Variants in RFX1 observed in about 807,000 individuals in gnomAD.
RFX1 encodes the protein regulatory factor X1.
Under a neutral mutation model 119.6 loss-of-function variants are expected in RFX1, and 42 were observed. The ratio of observed to expected loss-of-function variants is 0.35; its 90% CI spans 0.27 to 0.45. RFX1 has a LOEUF of 0.45. RFX1 is among the 20% of genes least tolerant of loss of function. The probability of loss-of-function intolerance (pLI) is 1.00; values close to 1 mark genes in which losing one functional copy is unlikely to be tolerated. For synonymous variants in RFX1, 628 were observed against 618.5 expected, an observed-to-expected ratio of 1.02 and a Z score of -0.23; for missense variants, 1,118 against 1,368.1, an observed-to-expected ratio of 0.82 and a Z score of 2.88.
intron 9 of RFX1, among the ~76,000 whole-genome samples, chr19:13,971,495 CA>C: frequency 6.6e-6 from 1 of 152,230 alleles, no homozygotes; most frequent in South Asian, 2.1e-4. Flanking sequence ...GGACTTCACA[CA>C]ACCACTTCTA....
Position 13,993,721 on chromosome 19 carries a change from CGGGGGCTGG to C in RFX1, c.114_122del (p.Gln42_Pro44del). On this transcript the variant is annotated inframe_deletion, in exon 2 of 21. Transcript: ENST00000254325. ...GGGTGGCAGCAGCGGTGGGTGGCTGCGGGGGCTGGGGTGCCGCTGGGGGTGGTGGCGGTG... is the reference window on the plus strand; with the variant it reads ...GGGTGGCAGCAGCGGTGGGTGGCTGCGGTGCCGCTGGGGGTGGTGGCGGTG... 1 of 554,018 alleles carries C rather than the reference CGGGGGCTGG, an allele frequency of 1.8e-6. No homozygotes were observed. Among genetic ancestry groups the C allele is most frequent in the Non-Finnish European group, 2.4e-6 (1 of 411,244 alleles). 34.3% of individuals were successfully genotyped at this position (554,018 alleles called of 1,614,324 possible). A position where few individuals can be genotyped will look rare whatever the true frequency, so the allele number is the denominator to read the frequency against.
intron 2 of RFX1, among the ~76,000 whole-genome samples, chr19:13,988,579 A>G (rs1426732443): frequency 6.6e-6 from 1 of 152,208 alleles, no homozygotes; most frequent in Non-Finnish European, 1.5e-5. Flanking sequence ...CTGATGGGAC[A>G]TGATGGCTGT....
At position 13,968,525 on chromosome 19, in the gene RFX1, G is replaced by C; in HGVS notation, c.1732+40C>G. 6.6e-7 allele frequency: 1 copy of C among 1,504,484 alleles called. No homozygotes were observed. The highest frequency in any genetic ancestry group is 1.4e-5 in the African/African-American group (1 of 72,884). The allele number at this position is 1,504,484 out of a possible 1,614,324, so 93.2% of individuals were successfully genotyped here. On this transcript the variant is annotated intron_variant, in intron 12 of 20. Transcript: ENST00000254325. This position sits in a 1 kb window ranked among gnomAD's most constrained non-coding sequence, Gnocchi z 5.5. ...TTGGGAACCGTCTGCACGGGGCAGG[G>C]AGGCGGTGGTTGGGGAAGCACGGGC... is the stretch of plus-strand genomic sequence containing the variant.
Position 13,980,733 on chromosome 19 carries a change from C to CATCCTCTCTGGGGTGGGCTCGT in RFX1, c.622-45_622-44insACGAGCCCACCCCAGAGAGGAT. On this transcript the variant is annotated intron_variant, in intron 5 of 20. Transcript: ENST00000254325. This position sits in a 1 kb window ranked among gnomAD's most constrained non-coding sequence, Gnocchi z 5.1. ...CAGGAGTGCCGCTGGGGTGGGCTTG[C>CATCCTCTCTGGGGTGGGCTCGT]ATCCTCTCTGAGGTGGGCTCACACA... The CATCCTCTCTGGGGTGGGCTCGT allele has an allele frequency of 7.0e-7, 1 of 1,426,334 alleles. No homozygotes were observed. The highest frequency in any genetic ancestry group is 9.7e-7 in the Non-Finnish European group (1 of 1,034,176). The allele number at this position is 1,426,334 out of a possible 1,614,324, so 88.4% of individuals were successfully genotyped here.
rs566747272 is a variant in RFX1 at position 13,967,846 on chromosome 19, C to T, written c.1732+719G>A. ...TGAGTGGTCCTAGCCCTGTGGACACCATGGCTGTGGGATGGCTGGATGGGA... is the reference window on the plus strand; with the variant it reads ...TGAGTGGTCCTAGCCCTGTGGACACTATGGCTGTGGGATGGCTGGATGGGA... On this transcript the variant is annotated intron_variant, in intron 12 of 20. Coordinates refer to ENST00000254325, the MANE Select transcript of RFX1 (RefSeq NM_002918.5). Among the ~76,000 whole-genome samples, 3 of 152,306 alleles carry T rather than the reference C, an allele frequency of 2.0e-5. No individual in the cohort carries two copies. The East Asian group carries it at 5.8e-4, about 29-fold the overall frequency.
rs1214559118 is a variant in RFX1, at chr19:13,969,830, A to G, written c.1496+164T>C. The G allele has an allele frequency of 1.2e-5, 7 of 599,600 alleles. No individual in the cohort carries two copies. In the South Asian group the frequency reaches 1.7e-4, roughly 15 times the overall value. 37.1% of individuals were successfully genotyped at this position (599,600 alleles called of 1,614,324 possible). On this transcript the variant is annotated intron_variant, in intron 10 of 20. Coordinates refer to ENST00000254325, the MANE Select transcript of RFX1 (RefSeq NM_002918.5). The surrounding 1 kb of genome is among the most constrained non-coding windows in gnomAD (Gnocchi z 4.5). ...AGCACATGAGGTGGAAGGCACCGCC[A>G]GTGCAAAGGCCTAGAGTGGGAGTGA...
chr19:13,985,597 T>G lies in RFX1; in HGVS notation c.320-2002A>C, dbSNP rs1379013110. ...GCAGGCCATGACGCAGGTTCCCCTCTGGGCCCACACGAACCTCATACCACA... is the reference window on the plus strand; with the variant it reads ...GCAGGCCATGACGCAGGTTCCCCTCGGGGCCCACACGAACCTCATACCACA... On this transcript the variant is annotated intron_variant, in intron 2 of 20. Transcript: ENST00000254325. The surrounding 1 kb of genome is among the most constrained non-coding windows in gnomAD (Gnocchi z 4.3). Among the ~76,000 whole-genome samples, 1 of 152,352 alleles carries G rather than the reference T, an allele frequency of 6.6e-6. No homozygotes were observed. The highest frequency in any genetic ancestry group is 1.9e-4 in the East Asian group (1 of 5,188).
At position 13,972,725 on chromosome 19, in the gene RFX1, C is replaced by T; in HGVS notation, c.1314+18G>A. 6.4e-7 allele frequency: 1 copy of T among 1,569,720 alleles called. No homozygotes were observed. The highest frequency in any genetic ancestry group is 8.7e-7 in the Non-Finnish European group (1 of 1,154,982). ...CACCACTGCCTGCCTCCTCTGGGGC[C>T]CGCGTTGGGGCACTTACCGTGGCTG... On this transcript the variant is annotated intron_variant, in intron 9 of 20. Coordinates refer to ENST00000254325, the MANE Select transcript of RFX1 (RefSeq NM_002918.5).
At position 13,986,504 on chromosome 19, in the gene RFX1, A is replaced by T. The variant is rs1004250154; in HGVS notation, c.320-2909T>A. 7.9e-5 allele frequency among the ~76,000 whole-genome samples: 12 copies of T among 152,148 alleles called. No individual in the cohort carries two copies. Among genetic ancestry groups the T allele is most frequent in the African/African-American group, 2.9e-4 (12 of 41,444 alleles). ...ATCCCTGTCTGCCTGCGGCCGGGGC[A>T]GGGCCCCTCCACCACTGGGTCTGGC... On this transcript the variant is annotated intron_variant, in intron 2 of 20. Transcript: ENST00000254325. The surrounding 1 kb of genome is among the most constrained non-coding windows in gnomAD (Gnocchi z 4.2).
At chr19:14,004,709 C>T (rs1975316225) in intron 1 of RFX1, among the ~76,000 whole-genome samples, 1 of 152,096 alleles carries the variant, frequency 6.6e-6, no homozygotes, top group African/African-American at 2.4e-5. Context: ...TGGGAAAAAG[C>T]CTGAAATGAT....
chr19:14,000,307 G>A (rs1042285530), intron 1 of RFX1, among the ~76,000 whole-genome samples: 2 of 152,104 alleles, frequency 1.3e-5, no homozygotes, highest in Non-Finnish European at 2.9e-5. Context: ...CCAACATGGC[G>A]AAACCCCGTC....
chr19:13,961,559 T>TTC lies in RFX1; in HGVS notation c.*1135_*1136insGA, dbSNP rs760094881. On this transcript the variant is annotated 3_prime_UTR_variant, in exon 21 of 21. Coordinates refer to ENST00000254325, the MANE Select transcript of RFX1 (RefSeq NM_002918.5). ...CAAATATCACAGCGGAATTTATTGT[T>TTC]TTAAGAAAGACTACAAAAAGGTAGA... 2.1e-4 allele frequency: 34 copies of TTC among 159,604 alleles called. No homozygotes were observed. In the East Asian group the frequency reaches 4.1e-3, roughly 19 times the overall value. The allele number at this position is 159,604 out of a possible 1,614,324, so 9.9% of individuals were successfully genotyped here. A position where few individuals can be genotyped will look rare whatever the true frequency, so the allele number is the denominator to read the frequency against.
chr19:13,998,999 G>A lies in RFX1; in HGVS notation c.-52-5104C>T, dbSNP rs563365684. Among the ~76,000 whole-genome samples, 16 of 152,262 alleles carry A rather than the reference G, an allele frequency of 1.1e-4. No individual in the cohort carries two copies. In the South Asian group the frequency reaches 2.7e-3, roughly 26 times the overall value. On this transcript the variant is annotated intron_variant, in intron 1 of 20. Transcript: ENST00000254325. ...GCTCAAAAGGAGGAGGTGGGAGATCGAGGAACAACTAAACCAACTTCTCTA... is the reference window on the plus strand; with the variant it reads ...GCTCAAAAGGAGGAGGTGGGAGATCAAGGAACAACTAAACCAACTTCTCTA...
chr19:14,002,092 C>T (rs561758824), intron 1 of RFX1, among the ~76,000 whole-genome samples: 2 of 150,880 alleles, frequency 1.3e-5, no homozygotes, highest in Admixed American at 1.3e-4. Context: ...GCCAAGATTG[C>T]GCCATTGCAT....
rs1445690913 is a variant in RFX1, at chr19:13,963,049, G to A, written c.2725-10C>T. ...TGGCCAGATTGGCGAACTGGAGGAA[G>A]AAGAGAAGAAAATGGGTGAGGGTCC... is the stretch of plus-strand genomic sequence containing the variant. On this transcript the variant is annotated splice_polypyrimidine_tract_variant and intron_variant, in intron 19 of 20. Coordinates refer to ENST00000254325, the MANE Select transcript of RFX1 (RefSeq NM_002918.5). 6.3e-7 allele frequency: 1 copy of A among 1,575,246 alleles called. No individual in the cohort carries two copies. Among genetic ancestry groups the A allele is most frequent in the East Asian group, 2.3e-5 (1 of 42,678 alleles).
At chr19:13,993,500 C>T (rs778498466) in intron 2 of RFX1, 25 bp downstream of exon 2, 1 of 1,596,304 alleles carries the variant, frequency 6.3e-7, no homozygotes, top group Non-Finnish European at 8.5e-7. Context: ...GAGGAGTTTT[C>T]AGGACACACG....
chr19:13,982,842 C>A (rs1180547484), intron 4 of RFX1, among the ~76,000 whole-genome samples: 1 of 152,222 alleles, frequency 6.6e-6, no homozygotes, highest in Non-Finnish European at 1.5e-5. Flanking sequence ...TCATGCGCAG[C>A]CTTCTGGGGG....
chr19:14,003,348 AG>A (rs1975276358), intron 1 of RFX1, among the ~76,000 whole-genome samples: 1 of 148,704 alleles, frequency 6.7e-6, no homozygotes, highest in Admixed American at 6.6e-5. Flanking sequence ...TTCAGCAGCC[AG>A]GGGAGTGACT....
intron 5 of RFX1, among the ~76,000 whole-genome samples, chr19:13,981,541 AGCTGAGATC>A (rs1194910368): frequency 6.6e-6 from 1 of 152,186 alleles, no homozygotes; most frequent in African/African-American, 2.4e-5. Context: ...GGTTGCAGTG[AGCTGAGATC>A]GCACCACTTC....
Sources: gnomAD v4.1 joint callset for allele counts (sites outside exome capture counted in the v4.1 genomes callset) on GRCh38, gnomAD v4.1.1 for gene constraint, Gnocchi (gnomAD v3.1) non-coding constraint, MANE v1.5 for transcripts, NCBI Gene and HGNC (gene_info 2026-07-23, HGNC 2026-07-21) for gene names.